The following NOP9 variants were observed in gnomAD, a reference collection of about 807,000 sequenced individuals.
NOP9 encodes the protein nucleolar protein 9.
In NOP9, 50 loss-of-function variants were observed where a neutral mutation model predicts 63.0. That is an observed-to-expected ratio of 0.79 (90% confidence interval 0.63 to 1.00). NOP9 has a LOEUF of 1.00. Among genes scored for constraint, NOP9 ranks in the 50% least tolerant of loss-of-function variants. NOP9 has a pLI of 0.00. For synonymous variants in NOP9, 343 were observed against 332.8 expected, an observed-to-expected ratio of 1.03 and a Z score of -0.33; for missense variants, 758 against 803.0, an observed-to-expected ratio of 0.94 and a Z score of 0.68.
chr14:24,287,776 G>T, the NOP9 span, among the ~76,000 whole-genome samples: 9 of 152,318 alleles, frequency 5.9e-5, no homozygotes, highest in South Asian at 8.3e-4. Context: ...CAGGCATGCT[G>T]CTTCTTTCCT....
rs776927069 is a variant in NOP9, at chr14:24,301,723, G to A, written c.808+1G>A. ...TCCTCCTTTCTGAAGGACATTGCAGGTAAGGAGGGAAGTAGGAGGATGGTC... is the reference window on the plus strand; with the variant it reads ...TCCTCCTTTCTGAAGGACATTGCAGATAAGGAGGGAAGTAGGAGGATGGTC... On this transcript the variant is annotated splice_donor_variant, in intron 3 of 9. Transcript: ENST00000267425. LOFTEE classifies it high-confidence loss of function. The A allele has an allele frequency of 6.2e-7, 1 of 1,614,014 alleles. No individual in the cohort carries two copies. Among genetic ancestry groups the A allele is most frequent in the South Asian group, 1.1e-5 (1 of 91,078 alleles).
the NOP9 span, chr14:24,291,134 C>T: frequency 6.2e-7 from 1 of 1,614,122 alleles, no homozygotes; most frequent in Non-Finnish European, 8.5e-7. Flanking sequence ...TGCCAGGGTC[C>T]TCACCGTCCA....
In NOP9 at chr14:24,301,781, C is replaced by T. The variant is rs1425431360; in HGVS notation, c.808+59C>T. 3 of 1,567,598 alleles carry T rather than the reference C, an allele frequency of 1.9e-6. No homozygotes were observed. In the African/African-American group the frequency reaches 4.1e-5, roughly 21 times the overall value. The stretch of plus-strand genomic sequence containing the variant: ...TACTTGTCTGGAGGTCATCTTACCA[C>T]CAAGCAAGGCCCTTACCTCAGGTTA... On this transcript the variant is annotated intron_variant, in intron 3 of 9. Coordinates refer to ENST00000267425, the MANE Select transcript of NOP9 (RefSeq NM_174913.3).
rs987252733 is a variant in NOP9, at chr14:24,301,986, C to T, written c.830C>T (p.Ser277Phe). The change falls in exon 4 of 10, where the codon TCC becomes TTC. Residue 277 changes from serine to phenylalanine, a missense_variant. Coordinates refer to ENST00000267425, the MANE Select transcript of NOP9 (RefSeq NM_174913.3). Reference protein sequence around the residue: ...DIAVFITDKISSFCLQVALQV... With the variant: ...DIAVFITDKIFSFCLQVALQV... ...ACAGTGTTTATCACTGATAAGATCT[C>T]CAGCTTCTGTCTTCAAGTGGCTTTA... 2 of 1,613,814 alleles carry T rather than the reference C, an allele frequency of 1.2e-6. No homozygotes were observed. The highest frequency in any genetic ancestry group is 1.3e-5 in the African/African-American group (1 of 74,902).
the NOP9 span, among the ~76,000 whole-genome samples, chr14:24,272,092 G>A: frequency 2.6e-5 from 4 of 152,144 alleles, no homozygotes; most frequent in Non-Finnish European, 5.9e-5. Flanking sequence ...CTGGGAGAAT[G>A]TTTAAATGTA....
chr14:24,301,145 A>G (rs2041369735), intron 2 of NOP9, among the ~76,000 whole-genome samples: 1 of 152,156 alleles, frequency 6.6e-6, no homozygotes, highest in Non-Finnish European at 1.5e-5. Context: ...AAAGTAACAT[A>G]CACACTGGAC....
chr14:24,299,105 A>G (rs200621886), upstream of NOP9: 47 of 1,612,142 alleles, frequency 2.9e-5, no homozygotes, highest in Non-Finnish European at 3.3e-5. Flanking sequence ...GGGAGCTGCC[A>G]TGACTCACAG....
the NOP9 span, chr14:24,290,978 A>G: frequency 6.2e-7 from 1 of 1,614,004 alleles, no homozygotes; most frequent in African/African-American, 1.3e-5. Flanking sequence ...AAAGACAAAT[A>G]GTCTTGGACG....
Position 24,307,259 on chromosome 14 carries a change from G to T in NOP9, c.*2164G>T. 1 of 1,210,652 alleles carries T rather than the reference G, an allele frequency of 8.3e-7. No homozygotes were observed. Among genetic ancestry groups the T allele is most frequent in the Non-Finnish European group, 1.2e-6 (1 of 854,654 alleles). 75.0% of individuals were successfully genotyped at this position (1,210,652 alleles called of 1,614,324 possible). A position where few individuals can be genotyped will look rare whatever the true frequency, so the allele number is the denominator to read the frequency against. ...CACTCCGCTGCTTTTAGCCCTCAGAGGGAGGGGCAGCTGTGTGACTTCAGC... is the reference window on the plus strand; with the variant it reads ...CACTCCGCTGCTTTTAGCCCTCAGATGGAGGGGCAGCTGTGTGACTTCAGC... On this transcript the variant is annotated 3_prime_UTR_variant, in exon 10 of 10. Coordinates refer to ENST00000267425, the MANE Select transcript of NOP9 (RefSeq NM_174913.3).
rs957104452 is a variant in NOP9 at position 24,300,533 on chromosome 14, G to T, written c.373G>T (p.Val125Leu). The T allele has an allele frequency of 1.9e-6, 3 of 1,614,240 alleles. No homozygotes were observed. Among genetic ancestry groups the T allele is most frequent in the Non-Finnish European group, 2.5e-6 (3 of 1,180,040 alleles). Residue 125 changes from valine (V) to leucine (L), a missense_variant, in exon 2 of 10, where the codon GTG becomes TTG. By Grantham distance (32) the Val-to-Leu change is conservative. Coordinates refer to ENST00000267425, the MANE Select transcript of NOP9 (RefSeq NM_174913.3). The stretch of plus-strand genomic sequence containing the variant: ...CAGTCCCTTGAAACCGCTTTGTCGC[G>T]TGTGGGCTGCTCTGCGCTCTAACTT... Reference protein sequence around the residue: ...GFSPLKPLCRVWAALRSNLRT... With the variant: ...GFSPLKPLCRLWAALRSNLRT...
rs2041460005 is a variant in NOP9 at position 24,305,207 on chromosome 14, T to C, written c.*112T>C. ...AAGTCTTAGTGGTAAATATTTGATA[T>C]TTTTATTGGAAATGTTTTTGTTAGT... On this transcript the variant is annotated 3_prime_UTR_variant, in exon 10 of 10. Transcript: ENST00000267425. 4.4e-6 allele frequency: 5 copies of C among 1,129,898 alleles called. No homozygotes were observed. Among genetic ancestry groups the C allele is most frequent in the Non-Finnish European group, 5.9e-6 (5 of 846,398 alleles). 70.0% of individuals were successfully genotyped at this position (1,129,898 alleles called of 1,614,324 possible).
the NOP9 span, chr14:24,293,119 A>G: frequency 4.0e-5 from 10 of 252,454 alleles, no homozygotes; most frequent in Non-Finnish European, 6.7e-5. Context: ...AACCATGACA[A>G]TAAGTACAGA....
At position 24,302,187 on chromosome 14, in the gene NOP9, G is replaced by T. The variant is rs959504248; in HGVS notation, c.951-45G>T. ...AGGTGATGTAGTGCAACTGTATTTT[G>T]CATGAAATGGAGTTAAGACTGCCTG... is the stretch of plus-strand genomic sequence containing the variant. On this transcript the variant is annotated intron_variant, in intron 4 of 9. Coordinates refer to ENST00000267425, the MANE Select transcript of NOP9 (RefSeq NM_174913.3). The T allele has an allele frequency of 5.0e-6, 8 of 1,599,954 alleles. No individual in the cohort carries two copies. In the African/African-American group the frequency reaches 5.4e-5, roughly 11 times the overall value.
chr14:24,282,581 T>C, the NOP9 span, among the ~76,000 whole-genome samples: 2 of 152,200 alleles, frequency 1.3e-5, no homozygotes, highest in East Asian at 3.8e-4. Flanking sequence ...GTGTCTGTTC[T>C]GGCTTTGCGC....
At chr14:24,299,004 A>G, upstream of NOP9, 1 of 1,614,014 alleles carries the variant, frequency 6.2e-7, no homozygotes. Flanking sequence ...CCAGTGATGT[A>G]AACTGTGGCG....
Position 24,308,500 on chromosome 14 carries a change from G to C in NOP9, c.*3405G>C, listed in dbSNP as rs1363434285. On this transcript the variant is annotated 3_prime_UTR_variant, in exon 10 of 10. Transcript: ENST00000267425. ...TTACCTGCTCTTTCCTTCCTCCTTG[G>C]TCGGAGGAGGGGCTGGCTCACTGCT... 1 of 154,292 alleles carries C rather than the reference G, an allele frequency of 6.5e-6. No homozygotes were observed. The highest frequency in any genetic ancestry group is 1.4e-5 in the Non-Finnish European group (1 of 69,252). The allele number at this position is 154,292 out of a possible 1,614,324, so 9.6% of individuals were successfully genotyped here. A position where few individuals can be genotyped will look rare whatever the true frequency, so the allele number is the denominator to read the frequency against.
the NOP9 span, chr14:24,271,258 G>A: frequency 9.0e-6 from 10 of 1,110,526 alleles, no homozygotes; most frequent in Non-Finnish European, 1.1e-5. Context: ...CCTGGGCAGA[G>A]ACCCCCAGAG....
chr14:24,306,635 C>T lies in NOP9; in HGVS notation c.*1540C>T, dbSNP rs2041518600. 7 of 1,371,254 alleles carry T rather than the reference C, an allele frequency of 5.1e-6. No homozygotes were observed. Among genetic ancestry groups the T allele is most frequent in the Non-Finnish European group, 6.1e-6 (6 of 982,158 alleles). 84.9% of individuals were successfully genotyped at this position (1,371,254 alleles called of 1,614,324 possible). A position where few individuals can be genotyped will look rare whatever the true frequency, so the allele number is the denominator to read the frequency against. On this transcript the variant is annotated 3_prime_UTR_variant, in exon 10 of 10. Transcript: ENST00000267425. ...GACATTGGTCGATGTCCCACTTTGACTTTCCGGCACTTTGATACCTCCTAA... is the reference window on the plus strand; with the variant it reads ...GACATTGGTCGATGTCCCACTTTGATTTTCCGGCACTTTGATACCTCCTAA...
upstream of NOP9, chr14:24,299,825 G>T: frequency 8.2e-7 from 1 of 1,212,556 alleles, no homozygotes; most frequent in South Asian, 1.7e-5. Context: ...GCGGAACTAT[G>T]ACGTAGTAGC....
Sources: gnomAD v4.1 joint callset for allele counts (sites outside exome capture counted in the v4.1 genomes callset) on GRCh38, gnomAD v4.1.1 for gene constraint, MANE v1.5 for transcripts, NCBI Gene and HGNC (gene_info 2026-07-23, HGNC 2026-07-21) for gene names.